The following HMG20A variants were observed in gnomAD, a reference collection of about 807,000 sequenced individuals.
The protein encoded by HMG20A is high mobility group protein 20A.
In HMG20A, 17 loss-of-function variants were observed where a neutral mutation model predicts 43.9. That is an observed-to-expected ratio of 0.39 (90% confidence interval 0.27 to 0.58). The LOEUF is 0.58. Among genes scored for constraint, HMG20A ranks in the 20% least tolerant of loss-of-function variants. The pLI, the probability that HMG20A is intolerant of heterozygous loss-of-function variation, is 0.59. For synonymous variants in HMG20A, 132 were observed against 147.5 expected (o/e 0.89, Z 0.76); for missense variants, 341 against 438.2 (o/e 0.78, Z 1.98).
intron 1 of HMG20A, among the ~76,000 whole-genome samples, chr15:77,454,163 TAAA>T (rs531023947): frequency 3.1e-5 from 4 of 129,310 alleles, no homozygotes; most frequent in Non-Finnish European, 5.0e-5. Flanking sequence ...CCCTGTCTCT[TAAA>T]AAAAAAAAAA....
At chr15:77,478,096 T>G in intron 7 of HMG20A, 199 bp from the exon 8 acceptor site, 1 of 595,958 alleles carries the variant, frequency 1.7e-6, no homozygotes, top group East Asian at 2.8e-5. Context: ...TGTGACTAGC[T>G]TTAAGAATTA....
intron 8 of HMG20A, 33 bp from the exon 9 acceptor site, chr15:77,479,146 G>A (rs771900808): frequency 2.5e-6 from 4 of 1,608,136 alleles, no homozygotes; most frequent in Non-Finnish European, 8.5e-7. Context: ...TGAATAGGGA[G>A]GATTTTCTTA....
At chr15:77,491,564 C>G in the HMG20A span, among the ~76,000 whole-genome samples, 4 of 152,110 alleles carry the variant, frequency 2.6e-5, no homozygotes, top group Admixed American at 2.6e-4. Flanking sequence ...GGAAGTCCCT[C>G]TCCACTGGAA....
At chr15:77,506,190 C>G in the HMG20A span, among the ~76,000 whole-genome samples, 9 of 151,498 alleles carry the variant, frequency 5.9e-5, no homozygotes, top group East Asian at 1.7e-3. Context: ...ATGAAAAGTT[C>G]AACTTTAACT....
chr15:77,448,283 C>T (rs183247994), intron 1 of HMG20A, among the ~76,000 whole-genome samples: 456 of 152,274 alleles, frequency 3.0e-3, no homozygotes, highest in Non-Finnish European at 4.8e-3. Flanking sequence ...GAAAACCTTC[C>T]AGTAGCCCCG....
intron 7 of HMG20A, 23 bp from the exon 8 acceptor site, chr15:77,478,272 T>C: frequency 6.2e-7 from 1 of 1,611,224 alleles, no homozygotes; most frequent in Middle Eastern, 1.9e-4. Flanking sequence ...GCTGCATGTG[T>C]TCTGTGGGAT....
chr15:77,446,503 G>C (rs945945807), intron 1 of HMG20A, among the ~76,000 whole-genome samples: 49 of 152,254 alleles, frequency 3.2e-4, no homozygotes, highest in African/African-American at 1.2e-3. Context: ...TCACCAAGAT[G>C]TGAGTAAAAA....
chr15:77,517,769 C>A, the HMG20A span, among the ~76,000 whole-genome samples: 3 of 151,850 alleles, frequency 2.0e-5, no homozygotes, highest in South Asian at 4.2e-4. Flanking sequence ...TGGGCTCAGA[C>A]GACCCTTCCC....
At position 77,483,643 on chromosome 15, in the gene HMG20A, C is replaced by T. The variant is rs920174337; in HGVS notation, c.*680C>T. On this transcript the variant is annotated 3_prime_UTR_variant, in exon 10 of 10. Transcript: ENST00000336216. ...CAGTGGGTGCCAGCCCTCAGTGTGG[C>T]TTTGTGATTGCTGCCCTAAAGGAGA... 1 of 152,794 alleles carries T rather than the reference C, an allele frequency of 6.5e-6. No homozygotes were observed. Among genetic ancestry groups the T allele is most frequent in the Non-Finnish European group, 1.5e-5 (1 of 68,192 alleles). The allele number at this position is 152,794 out of a possible 1,614,324, so 9.5% of individuals were successfully genotyped here.
chr15:77,495,624 TTAGA>T, the HMG20A span, among the ~76,000 whole-genome samples: 24 of 151,464 alleles, frequency 1.6e-4, no homozygotes, highest in South Asian at 6.3e-4. Context: ...GCCTAAGGAG[TTAGA>T]TAGAGTGTCC....
chr15:77,498,757 C>CTT, the HMG20A span, among the ~76,000 whole-genome samples: 2 of 152,170 alleles, frequency 1.3e-5, no homozygotes, highest in African/African-American at 4.8e-5. Flanking sequence ...AAACATTTTC[C>CTT]TGGGTTCTAC....
the HMG20A span, among the ~76,000 whole-genome samples, chr15:77,507,104 T>C: frequency 6.6e-6 from 1 of 152,226 alleles, no homozygotes; most frequent in South Asian, 2.1e-4. Flanking sequence ...CCTCTCTGCC[T>C]GACTGTCTTC....
At chr15:77,518,847 T>C in the HMG20A span, among the ~76,000 whole-genome samples, 1 of 152,220 alleles carries the variant, frequency 6.6e-6, no homozygotes. Context: ...TTGGGGGTGC[T>C]GTACTTTCTT....
At chr15:77,461,178 G>T (rs953904627) in intron 2 of HMG20A, among the ~76,000 whole-genome samples, 1 of 152,114 alleles carries the variant, frequency 6.6e-6, no homozygotes, top group Non-Finnish European at 1.5e-5. Context: ...TAAGATGGGG[G>T]CTGAGAAATG....
chr15:77,456,634 C>CAAAAAAA (rs34114445), intron 1 of HMG20A, among the ~76,000 whole-genome samples: 1 of 95,388 alleles, frequency 1.0e-5, no homozygotes, highest in Non-Finnish European at 2.1e-5. Context: ...GCGAGACTGT[C>CAAAAAAA]AAAAAAAAAA....
At chr15:77,426,926 A>G (rs1252151305) in intron 1 of HMG20A, among the ~76,000 whole-genome samples, 2 of 152,184 alleles carry the variant, frequency 1.3e-5, no homozygotes, top group African/African-American at 4.8e-5. Context: ...GTCTTAATGT[A>G]GCAGGGATTT....
intron 4 of HMG20A, among the ~76,000 whole-genome samples, chr15:77,469,578 C>T (rs1052359838): frequency 5.3e-5 from 8 of 152,116 alleles, no homozygotes; most frequent in African/African-American, 1.9e-4. Flanking sequence ...AAGCAGTCCT[C>T]CTCTTGCCTT....
At chr15:77,423,713 CTT>C (rs1388304591) in intron 1 of HMG20A, among the ~76,000 whole-genome samples, 1 of 152,118 alleles carries the variant, frequency 6.6e-6, no homozygotes, top group African/African-American at 2.4e-5. Flanking sequence ...ACAGAAGTGT[CTT>C]TTCATTCTTT....
intron 1 of HMG20A, among the ~76,000 whole-genome samples, chr15:77,426,589 G>A (rs1003277202): frequency 6.6e-6 from 1 of 152,138 alleles, no homozygotes; most frequent in Non-Finnish European, 1.5e-5. Flanking sequence ...GTCTCAAGTG[G>A]TGGAGGCAGA....
Sources: gnomAD v4.1 joint callset for allele counts (sites outside exome capture counted in the v4.1 genomes callset) on GRCh38, gnomAD v4.1.1 for gene constraint, MANE v1.5 for transcripts, NCBI Gene and HGNC (gene_info 2026-07-23, HGNC 2026-07-21) for gene names.